The following GRAMD4 variants were observed in gnomAD, a reference collection of about 807,000 sequenced individuals.
GRAMD4 encodes the protein GRAM domain-containing protein 4.
A neutral mutation model predicts 83.9 loss-of-function variants in GRAMD4; 25 were observed. That is an observed-to-expected ratio of 0.30 (90% CI 0.22 to 0.42). The LOEUF (loss-of-function observed/expected upper bound fraction) is 0.42. GRAMD4 is among the 10% of genes least tolerant of loss of function. The probability of loss-of-function intolerance (pLI) is 1.00; values close to 1 mark genes in which losing one functional copy is unlikely to be tolerated. For missense variants in GRAMD4, 593 were observed against 788.7 expected, an observed-to-expected ratio of 0.75 and a Z score of 2.97; for synonymous variants, 336 against 320.9, an observed-to-expected ratio of 1.05 and a Z score of -0.50.
chr22:46,591,342 A>G (rs1047231800), intron 1 of GRAMD4, among the ~76,000 whole-genome samples: 1 of 151,760 alleles, frequency 6.6e-6, no homozygotes, highest in Non-Finnish European at 1.5e-5. Context: ...ACATAGTGAG[A>G]CTCCATCTCT....
intron 4 of GRAMD4, among the ~76,000 whole-genome samples, chr22:46,661,104 TGAAA>T (rs1040888287): frequency 9.9e-5 from 15 of 152,184 alleles, no homozygotes; most frequent in Non-Finnish European, 2.2e-4. Flanking sequence ...TTAATGATGT[TGAAA>T]GAAGCAAGTG....
intron 1 of GRAMD4, among the ~76,000 whole-genome samples, chr22:46,590,746 GATGGACA>G (rs2081198990): frequency 6.6e-6 from 1 of 152,202 alleles, no homozygotes; most frequent in Admixed American, 6.5e-5. Flanking sequence ...AGCTAAGGAC[GATGGACA>G]CTACTAGTTT....
chr22:46,611,988 C>T (rs576166854), intron 1 of GRAMD4, among the ~76,000 whole-genome samples: 89 of 91,654 alleles, frequency 9.7e-4, no homozygotes, highest in Non-Finnish European at 1.2e-3. Flanking sequence ...CACAGCGAGA[C>T]TCCATCTCAA....
At position 46,664,034 on chromosome 22, in the gene GRAMD4, G is replaced by A. The variant is rs1374596767; in HGVS notation, c.634G>A (p.Ala212Thr). The change falls in exon 8 of 19, where the codon GCC becomes ACC. Residue 212 changes from alanine to threonine, a missense_variant. This residue lies in a region of GRAMD4 where 312 missense variants were observed against 350.7 expected (regional missense o/e 0.89). Coordinates refer to ENST00000406902, the MANE Select transcript of GRAMD4 (RefSeq NM_015124.5). Reference protein sequence around the residue: ...TENMRRLKRGAKPVTNFVKNL... With the variant: ...TENMRRLKRGTKPVTNFVKNL... ...GTCTGCTCTGTCCCCAGAGCGCGGT[G>A]CCAAGCCGGTCACTAACTTTGTGAA... 6.2e-7 allele frequency: 1 copy of A among 1,613,142 alleles called. No individual in the cohort carries two copies. Among genetic ancestry groups the A allele is most frequent in the Non-Finnish European group, 8.5e-7 (1 of 1,179,624 alleles).
intron 13 of GRAMD4, among the ~76,000 whole-genome samples, chr22:46,669,580 T>TC (rs940183038): frequency 7.4e-6 from 1 of 135,094 alleles, no homozygotes; most frequent in Non-Finnish European, 1.6e-5. Context: ...TCTCTCTCTC[T>TC]TTTTTTTTTT....
At chr22:46,614,557 C>T (rs1395710344) in intron 1 of GRAMD4, among the ~76,000 whole-genome samples, 1 of 152,212 alleles carries the variant, frequency 6.6e-6, no homozygotes, top group African/African-American at 2.4e-5. Flanking sequence ...AACAAAAACA[C>T]CAGCCAGCAT....
intron 1 of GRAMD4, 93 bp from the exon 2 acceptor site, chr22:46,626,658 G>GGAA: frequency 1.3e-6 from 1 of 754,544 alleles, no homozygotes; most frequent in South Asian, 1.8e-5. Context: ...GGTTTTCTTT[G>GGAA]GAAAGCTGGA....
intron 1 of GRAMD4, among the ~76,000 whole-genome samples, chr22:46,582,956 C>T (rs1290878521): frequency 1.3e-5 from 2 of 152,174 alleles, no homozygotes; most frequent in African/African-American, 2.4e-5. Flanking sequence ...TGGAGTTTCG[C>T]TCTTGTTGCC....
intron 17 of GRAMD4, 138 bp downstream of exon 17, chr22:46,675,690 C>T (rs1022733959): frequency 1.1e-5 from 7 of 661,158 alleles, no homozygotes; most frequent in South Asian, 3.4e-5. Flanking sequence ...GGCCATGGTC[C>T]GTTTCCTTGA....
intron 4 of GRAMD4, among the ~76,000 whole-genome samples, chr22:46,660,278 G>T (rs1411348975): frequency 6.6e-6 from 1 of 152,202 alleles, no homozygotes. Context: ...AAGGTCCTGG[G>T]AGCATTAAGG....
chr22:46,669,072 C>G (rs567130057), intron 13 of GRAMD4, among the ~76,000 whole-genome samples, 164 bp downstream of exon 13: 4 of 152,202 alleles, frequency 2.6e-5, no homozygotes, highest in African/African-American at 7.2e-5. Flanking sequence ...GAAGCCCATC[C>G]GAGATCGAGG....
chr22:46,605,577 A>G (rs577825369), intron 1 of GRAMD4, among the ~76,000 whole-genome samples: 16 of 152,388 alleles, frequency 1.0e-4, no homozygotes, highest in Admixed American at 3.3e-4. Flanking sequence ...ACAGTGCACA[A>G]GGGTTCCGGT....
downstream of GRAMD4, among the ~76,000 whole-genome samples, chr22:46,681,103 C>G (rs944771236): frequency 6.6e-6 from 1 of 151,988 alleles, no homozygotes; most frequent in African/African-American, 2.4e-5. Flanking sequence ...GGTCCTCCCC[C>G]AGCTTGCTCC....
intron 1 of GRAMD4, among the ~76,000 whole-genome samples, chr22:46,585,334 G>A (rs1394175845): frequency 6.6e-6 from 1 of 152,018 alleles, no homozygotes; most frequent in Non-Finnish European, 1.5e-5. Flanking sequence ...GGAACTACAG[G>A]CACGCACCAC....
At chr22:46,675,578 A>G (rs1262179062) in intron 17 of GRAMD4, 26 bp downstream of exon 17, 1 of 1,426,858 alleles carries the variant, frequency 7.0e-7, no homozygotes, top group South Asian at 1.1e-5. Flanking sequence ...CACCCCCACT[A>G]ACCCCCGTGT....
At chr22:46,586,935 A>G (rs1471425205) in intron 1 of GRAMD4, among the ~76,000 whole-genome samples, 3 of 152,146 alleles carry the variant, frequency 2.0e-5, no homozygotes, top group Non-Finnish European at 4.4e-5. Flanking sequence ...GGCGTTTAAA[A>G]GTCTGAAGCA....
chr22:46,619,573 C>T (rs2081545959), upstream of GRAMD4, among the ~76,000 whole-genome samples: 1 of 152,184 alleles, frequency 6.6e-6, no homozygotes, highest in Non-Finnish European at 1.5e-5. Context: ...GGATTACAGG[C>T]CTGAGCCCTG....
chr22:46,603,513 CTCTTTTTTTT>C lies in GRAMD4; in HGVS notation c.-49-23236_-49-23227del, dbSNP rs2081334651. On this transcript the variant is annotated intron_variant, in intron 1 of 1. Transcript: ENST00000431155. ...CATGAGCCACCGCGCCCGGCCTCTT[CTCTTTTTTTT>C]TTTTTTTTTTTGAGATGGAGTCTCA... Among the ~76,000 whole-genome samples the C allele has an allele frequency of 7.5e-5, 8 of 106,014 alleles. No individual in the cohort carries two copies. The East Asian group carries it at 2.2e-3, about 29-fold the overall frequency. The allele number at this position is 106,014 out of a possible 152,430, so 69.5% of individuals were successfully genotyped here. A position where few individuals can be genotyped will look rare whatever the true frequency, so the allele number is the denominator to read the frequency against.
intron 3 of GRAMD4, among the ~76,000 whole-genome samples, chr22:46,655,300 T>C (rs1192827721): frequency 3.3e-5 from 5 of 152,018 alleles, no homozygotes; most frequent in African/African-American, 1.2e-4. Context: ...GGAGGGAGCT[T>C]CAAGCTGGGA....
Sources: allele counts gnomAD v4.1 joint callset (sites outside exome capture counted in the v4.1 genomes callset), GRCh38; gene constraint gnomAD v4.1.1; regional missense constraint gnomAD v4.1.1; transcripts MANE v1.5; gene names NCBI Gene and HGNC (gene_info 2026-07-23, HGNC 2026-07-21).